Variants in DENND2B observed in about 807,000 individuals in gnomAD.
DENND2B encodes the protein DENN domain-containing protein 2B.
A neutral mutation model predicts 116.0 loss-of-function variants in DENND2B; 32 were observed. That is an observed-to-expected ratio of 0.28 (90% CI 0.21 to 0.37). The LOEUF (loss-of-function observed/expected upper bound fraction) is 0.37. Ranked by LOEUF, DENND2B falls within the 10% of genes least tolerant of loss-of-function variation. DENND2B has a pLI of 1.00. For synonymous variants in DENND2B, 588 were observed against 583.9 expected (o/e 1.01, Z -0.10); for missense variants, 1,276 against 1,477.7 (o/e 0.86, Z 2.24).
intron 1 of DENND2B, among the ~76,000 whole-genome samples, chr11:8,799,200 GC>G: frequency 1.3e-5 from 2 of 152,214 alleles, no homozygotes; most frequent in Middle Eastern, 6.8e-3. Flanking sequence ...AAAACCAATA[GC>G]CCTTCTTACC....
upstream of DENND2B, chr11:8,811,678 T>C (rs1419159951): frequency 9.5e-6 from 2 of 209,566 alleles, no homozygotes; most frequent in Non-Finnish European, 1.9e-5. Flanking sequence ...TCATAACCTT[T>C]TGAAATACAC....
intron 1 of DENND2B, among the ~76,000 whole-genome samples, chr11:8,891,973 T>C (rs2064039717): frequency 2.0e-5 from 3 of 152,122 alleles, no homozygotes; most frequent in African/African-American, 4.8e-5. Context: ...TATTCGAAAA[T>C]TGACCACATA....
chr11:8,744,113 T>C (rs143539190), intron 2 of DENND2B, among the ~76,000 whole-genome samples: 2,214 of 151,988 alleles, frequency 0.015, 29 homozygotes, highest in Middle Eastern at 0.071. Flanking sequence ...TATAAAATGA[T>C]TCATAAGAAA....
intron 13 of DENND2B, among the ~76,000 whole-genome samples, chr11:8,706,704 G>A (rs1249595291): frequency 2.6e-5 from 4 of 152,108 alleles, no homozygotes; most frequent in Admixed American, 2.6e-4. Flanking sequence ...GTTTATAATA[G>A]CAGTATCTCC....
intron 1 of DENND2B, among the ~76,000 whole-genome samples, chr11:8,896,111 G>C (rs1394940865): frequency 1.3e-5 from 2 of 152,108 alleles, no homozygotes; most frequent in Non-Finnish European, 2.9e-5. Flanking sequence ...GGTAAACTTA[G>C]TATAAGCTAG....
upstream of DENND2B, among the ~76,000 whole-genome samples, chr11:8,876,093 G>T (rs1035450512): frequency 6.6e-6 from 1 of 152,234 alleles, no homozygotes; most frequent in East Asian, 1.9e-4. Flanking sequence ...GAAGAATTAA[G>T]ATATACTATA....
intron 1 of DENND2B, among the ~76,000 whole-genome samples, chr11:8,799,982 C>A (rs147007995): frequency 6.6e-6 from 1 of 151,028 alleles, no homozygotes. Flanking sequence ...GAGACAGGAT[C>A]TTGCTCTGTC....
chr11:8,712,436 G>T lies in DENND2B; in HGVS notation c.2172+115C>A. 2 of 1,229,292 alleles carry T rather than the reference G, an allele frequency of 1.6e-6. No individual in the cohort carries two copies. The highest frequency in any genetic ancestry group is 2.2e-6 in the Non-Finnish European group (2 of 898,474). 76.1% of individuals were successfully genotyped at this position (1,229,292 alleles called of 1,614,324 possible). A position where few individuals can be genotyped will look rare whatever the true frequency, so the allele number is the denominator to read the frequency against. ...GAGAGGAGGCAGGTTCAGGGCTGTGGCAGCTCGGTGAGGACGTATGACGAA... is the reference window on the plus strand; with the variant it reads ...GAGAGGAGGCAGGTTCAGGGCTGTGTCAGCTCGGTGAGGACGTATGACGAA... On this transcript the variant is annotated intron_variant, in intron 9 of 19. Transcript: ENST00000313726. This position sits in a 1 kb window ranked among gnomAD's most constrained non-coding sequence, Gnocchi z 4.4.
At chr11:8,797,945 G>C (rs561465172) in intron 1 of DENND2B, among the ~76,000 whole-genome samples, 1 of 152,144 alleles carries the variant, frequency 6.6e-6, no homozygotes, top group African/African-American at 2.4e-5. Flanking sequence ...AGCTTTGACA[G>C]CTGTTCCCTT....
At chr11:8,906,336 A>G (rs943823368) in intron 1 of DENND2B, among the ~76,000 whole-genome samples, 7 of 149,370 alleles carry the variant, frequency 4.7e-5, no homozygotes, top group African/African-American at 1.7e-4. Flanking sequence ...CTCCCCTGGG[A>G]CTACAGGCTC....
chr11:8,799,046 T>C (rs920364066), intron 1 of DENND2B, among the ~76,000 whole-genome samples: 4 of 152,196 alleles, frequency 2.6e-5, no homozygotes, highest in Non-Finnish European at 2.9e-5. Flanking sequence ...GGTCTTGAAC[T>C]CCTGACCTCA....
At chr11:8,828,955 G>GGT (rs1400953417) in intron 4 of DENND2B, among the ~76,000 whole-genome samples, 2 of 150,308 alleles carry the variant, frequency 1.3e-5, no homozygotes, top group Admixed American at 6.6e-5. Flanking sequence ...GTGTGTGTGG[G>GGT]GTGTGTGTGT....
chr11:8,729,993 T>C lies in DENND2B; in HGVS notation c.1297A>G (p.Arg433Gly). The C allele has an allele frequency of 6.2e-7, 1 of 1,614,064 alleles. No individual in the cohort carries two copies. The highest frequency in any genetic ancestry group is 8.5e-7 in the Non-Finnish European group (1 of 1,180,012). ...PSTPAPPVTR[R>G]PKKDMRGHRK... The stretch of plus-strand genomic sequence containing the variant: ...TGACCACGCATGTCCTTCTTGGGTC[T>C]CCGGGTGACTGGCGGGGCTGGGGTG... The change falls in exon 3 of 20, where the codon AGA (arginine) becomes GGA (glycine). Residue 433 changes from arginine (R) to glycine (G), a missense_variant. Around this residue, in one of 2 missense-constraint regions of DENND2B, gnomAD observed 856 missense variants for 846.6 expected, o/e 1.01. Transcript: ENST00000313726.
intron 4 of DENND2B, among the ~76,000 whole-genome samples, chr11:8,817,347 G>T (rs907425104): frequency 1.3e-5 from 2 of 152,086 alleles, no homozygotes; most frequent in African/African-American, 4.8e-5. Context: ...CCTCCACCTG[G>T]AAGCCACATC....
chr11:8,787,151 A>G (rs573339491), intron 1 of DENND2B: 1 of 152,322 alleles, frequency 6.6e-6, no homozygotes, highest in East Asian at 1.9e-4. Flanking sequence ...TATGCCATGG[A>G]AAGTACAGTA....
At chr11:8,751,633 C>G (rs2052523500) in intron 1 of DENND2B, among the ~76,000 whole-genome samples, 1 of 152,126 alleles carries the variant, frequency 6.6e-6, no homozygotes, top group African/African-American at 2.4e-5. Context: ...GACATGCGGC[C>G]TTTAAGAACT....
At chr11:8,822,523 C>G (rs1169499132) in intron 4 of DENND2B, among the ~76,000 whole-genome samples, 1 of 152,226 alleles carries the variant, frequency 6.6e-6, no homozygotes. Context: ...TTTCCTGCAA[C>G]CTTCCGCTTT....
intron 2 of DENND2B, among the ~76,000 whole-genome samples, chr11:8,860,569 C>A (rs2063357442): frequency 6.6e-6 from 1 of 152,166 alleles, no homozygotes. Flanking sequence ...GAAATACACC[C>A]CATGCTCATG....
Position 8,729,962 on chromosome 11 carries a change from T to A in DENND2B, c.1328A>T (p.Lys443Met), listed in dbSNP as rs754098891. 3 of 1,614,110 alleles carry A rather than the reference T, an allele frequency of 1.9e-6. No individual in the cohort carries two copies. The highest frequency in any genetic ancestry group is 2.5e-6 in the Non-Finnish European group (3 of 1,179,996). ...RPKKDMRGHRKSQSRKSFEFE... is the reference protein window; with the variant it reads ...RPKKDMRGHRMSQSRKSFEFE... ...GGGCATGCATTACCTGCTCTGGGAC[T>A]TGCGGTGACCACGCATGTCCTTCTT... The change falls in exon 3 of 20, where the codon AAG becomes ATG. Residue 443 changes from lysine to methionine, a missense_variant. Around this residue, in one of 2 missense-constraint regions of DENND2B, gnomAD observed 856 missense variants for 846.6 expected, o/e 1.01. Transcript: ENST00000313726.
Sources: allele counts gnomAD v4.1 joint callset (sites outside exome capture counted in the v4.1 genomes callset), GRCh38; gene constraint gnomAD v4.1.1; regional missense constraint gnomAD v4.1.1; non-coding constraint Gnocchi (gnomAD v3.1); transcripts MANE v1.5; gene names NCBI Gene and HGNC (gene_info 2026-07-23, HGNC 2026-07-21).